The following EDIL3 variants were observed in gnomAD, a reference collection of about 807,000 sequenced individuals.
The protein encoded by EDIL3 is EGF like and discoidin domains 3.
Under a neutral mutation model 67.4 loss-of-function variants are expected in EDIL3, and 37 were observed. The observed-to-expected ratio is 0.55, with a 90% CI of 0.42 to 0.72. EDIL3 has a LOEUF of 0.72. Ranked by LOEUF, EDIL3 falls within the 30% of genes least tolerant of loss-of-function variation. The pLI, the probability that EDIL3 is intolerant of heterozygous loss-of-function variation, is 0.00. For synonymous variants in EDIL3, 195 were observed against 196.3 expected, an observed-to-expected ratio of 0.99 and a Z score of 0.05; for missense variants, 527 against 586.3, an observed-to-expected ratio of 0.90 and a Z score of 1.04.
chr5:83,977,989 C>A (rs1744903472), intron 9 of EDIL3, among the ~76,000 whole-genome samples: 1 of 151,830 alleles, frequency 6.6e-6, no homozygotes, highest in Non-Finnish European at 1.5e-5. Context: ...CCAACAACCT[C>A]TTGTCTTAAA....
intron 9 of EDIL3, among the ~76,000 whole-genome samples, chr5:83,972,002 T>C (rs1209618173): frequency 6.6e-6 from 1 of 152,168 alleles, no homozygotes; most frequent in Non-Finnish European, 1.5e-5. Context: ...TTCTCTATTA[T>C]ATAATTTATG....
At chr5:84,290,274 C>A (rs937109544) in intron 1 of EDIL3, among the ~76,000 whole-genome samples, 1 of 152,162 alleles carries the variant, frequency 6.6e-6, no homozygotes, top group East Asian at 1.9e-4. Flanking sequence ...CAGAGCTCCC[C>A]ATGACACTAT....
intron 2 of EDIL3, among the ~76,000 whole-genome samples, chr5:84,253,868 G>A (rs1182147031): frequency 2.0e-5 from 3 of 151,648 alleles, no homozygotes; most frequent in Admixed American, 2.0e-4. Flanking sequence ...TAAATTTAGT[G>A]TTAATTACTA....
intron 3 of EDIL3, among the ~76,000 whole-genome samples, chr5:84,204,565 A>T (rs1454126632): frequency 6.6e-6 from 1 of 152,208 alleles, no homozygotes; most frequent in East Asian, 1.9e-4. Flanking sequence ...GCCCATTCTT[A>T]GGCACTATCC....
At chr5:84,006,047 G>C (rs1745409137) in intron 9 of EDIL3, among the ~76,000 whole-genome samples, 2 of 150,246 alleles carry the variant, frequency 1.3e-5, no homozygotes, top group South Asian at 4.2e-4. Context: ...CTGAAAGTCA[G>C]ATCAAGAATA....
At chr5:84,251,427 T>C (rs1745023878) in intron 2 of EDIL3, among the ~76,000 whole-genome samples, 2 of 151,724 alleles carry the variant, frequency 1.3e-5, no homozygotes, top group South Asian at 2.1e-4. Context: ...TTTTTTTTTT[T>C]CGAAACAAAA....
At chr5:83,991,742 C>T (rs1421005512) in intron 9 of EDIL3, among the ~76,000 whole-genome samples, 2 of 152,166 alleles carry the variant, frequency 1.3e-5, no homozygotes, top group Non-Finnish European at 2.9e-5. Flanking sequence ...AGGATGTTGA[C>T]ATATCCATGG....
intron 1 of EDIL3, among the ~76,000 whole-genome samples, chr5:84,369,830 T>A (rs918905075): frequency 5.3e-5 from 8 of 152,188 alleles, no homozygotes; most frequent in African/African-American, 1.9e-4. Context: ...ATTTTATGGT[T>A]AAACATATAC....
At chr5:84,260,298 T>A (rs1580038208) in intron 1 of EDIL3, among the ~76,000 whole-genome samples, 1 of 152,156 alleles carries the variant, frequency 6.6e-6, no homozygotes, top group African/African-American at 2.4e-5. Flanking sequence ...GAATCAGTGG[T>A]GTTAAAGCCT....
intron 9 of EDIL3, among the ~76,000 whole-genome samples, chr5:84,018,966 C>A (rs985891893): frequency 5.3e-5 from 8 of 152,128 alleles, no homozygotes; most frequent in African/African-American, 1.9e-4. Context: ...ACTAGTTCAA[C>A]CACTGTGGAA....
chr5:84,060,525 A>T, intron 8 of EDIL3, 41 bp from the exon 9 acceptor site: 1 of 1,605,858 alleles, frequency 6.2e-7, no homozygotes, highest in Non-Finnish European at 8.5e-7. Context: ...AAAATAATTG[A>T]TCACCTGGAA....
chr5:84,290,519 CAAA>C (rs1745893168), intron 1 of EDIL3, among the ~76,000 whole-genome samples: 1 of 152,088 alleles, frequency 6.6e-6, no homozygotes, highest in African/African-American at 2.4e-5. Context: ...TAAGGCATTT[CAAA>C]AATAGCAGGA....
chr5:84,377,228 G>C (rs1413599117), intron 1 of EDIL3, among the ~76,000 whole-genome samples: 5 of 151,716 alleles, frequency 3.3e-5, no homozygotes, highest in Admixed American at 6.6e-5. Flanking sequence ...CAGGAGAATG[G>C]TGTGAACCCG....
Position 83,989,919 on chromosome 5 carries a change from A to C in EDIL3, c.1138-26559T>G. Among the ~76,000 whole-genome samples the C allele has an allele frequency of 1.3e-5, 2 of 152,260 alleles. 1 individual carries two copies. Among genetic ancestry groups the C allele is most frequent in the South Asian group, 4.2e-4 (2 of 4,818 alleles). On this transcript the variant is annotated intron_variant, in intron 9 of 10. Coordinates refer to ENST00000296591, the MANE Select transcript of EDIL3 (RefSeq NM_005711.5). ...AACTGTGAGTGACCTCTAGGTCTTG[A>C]GGGGTAGCATCCAGCTGGCAACTAG... is the stretch of plus-strand genomic sequence containing the variant.
At chr5:84,297,335 A>G (rs1174077874) in intron 1 of EDIL3, among the ~76,000 whole-genome samples, 2 of 152,188 alleles carry the variant, frequency 1.3e-5, no homozygotes, top group Non-Finnish European at 2.9e-5. Flanking sequence ...ATGATATATG[A>G]TCTCATGCCA....
intron 5 of EDIL3, among the ~76,000 whole-genome samples, chr5:84,129,008 A>AT (rs1201139458): frequency 6.6e-6 from 1 of 152,156 alleles, no homozygotes; most frequent in African/African-American, 2.4e-5. Flanking sequence ...CAAGTCCCAC[A>AT]TGGTCTATTT....
Position 84,106,838 on chromosome 5 carries a change from CA to C in EDIL3, c.470-9del. ...CCAGTGGGCCTGAGCATTCTGGAAA[CA>C]AAAACAGGAAAAAATATGAATGTAT... On this transcript the variant is annotated splice_polypyrimidine_tract_variant and intron_variant, in intron 5 of 10. Transcript: ENST00000296591. The C allele has an allele frequency of 1.3e-6, 2 of 1,583,274 alleles. No individual in the cohort carries two copies. The highest frequency in any genetic ancestry group is 1.7e-6 in the Non-Finnish European group (2 of 1,168,824).
At chr5:84,233,863 G>C (rs1391277591) in intron 2 of EDIL3, among the ~76,000 whole-genome samples, 1 of 152,180 alleles carries the variant, frequency 6.6e-6, no homozygotes, top group African/African-American at 2.4e-5. Context: ...ACCATGATGG[G>C]AGACAGATCT....
intron 3 of EDIL3, among the ~76,000 whole-genome samples, chr5:84,216,449 T>C (rs1459629299): frequency 6.6e-6 from 1 of 152,180 alleles, no homozygotes; most frequent in Non-Finnish European, 1.5e-5. Context: ...AAAAAATATA[T>C]GACATTTAAA....
Sources: gnomAD v4.1 joint callset for allele counts (sites outside exome capture counted in the v4.1 genomes callset) on GRCh38, gnomAD v4.1.1 for gene constraint, MANE v1.5 for transcripts, NCBI Gene and HGNC (gene_info 2026-07-23, HGNC 2026-07-21) for gene names.